The following ATP13A5 variants were observed in gnomAD, a reference collection of about 807,000 sequenced individuals.
ATP13A5 encodes probable cation-transporting ATPase 13A5.
In ATP13A5, 149 loss-of-function variants were observed where a neutral mutation model predicts 150.2. That is an observed-to-expected ratio of 0.99 (90% CI 0.87 to 1.14). ATP13A5 has a LOEUF of 1.14. Ranked by LOEUF, ATP13A5 falls within the 50% of genes most tolerant of loss-of-function variation. The probability of loss-of-function intolerance (pLI) is 0.00; values close to 1 mark genes in which losing one functional copy is unlikely to be tolerated. For synonymous variants in ATP13A5, 497 were observed against 522.2 expected, an observed-to-expected ratio of 0.95 and a Z score of 0.66; for missense variants, 1,383 against 1,449.3, an observed-to-expected ratio of 0.95 and a Z score of 0.74.
intron 12 of ATP13A5, among the ~76,000 whole-genome samples, 180 bp downstream of exon 12, chr3:193,330,943 A>G (rs1401875233): frequency 6.6e-6 from 1 of 152,194 alleles, no homozygotes; most frequent in East Asian, 1.9e-4. Context: ...GCTAACCTTA[A>G]GAGTCAGCAG....
chr3:193,302,887 T>A (rs993034616), intron 23 of ATP13A5, among the ~76,000 whole-genome samples: 1 of 152,168 alleles, frequency 6.6e-6, no homozygotes, highest in African/African-American at 2.4e-5. Context: ...TTTATGAGTC[T>A]ATGAAATATA....
chr3:193,326,509 T>A (rs139237787), intron 13 of ATP13A5, among the ~76,000 whole-genome samples: 2 of 152,334 alleles, frequency 1.3e-5, no homozygotes, highest in East Asian at 1.9e-4. Flanking sequence ...CATGTAATTA[T>A]ATAAAAGTCA....
At chr3:193,318,891 A>T in intron 17 of ATP13A5, 100 bp downstream of exon 17, 1 of 812,082 alleles carries the variant, frequency 1.2e-6, no homozygotes, top group South Asian at 1.5e-5. Context: ...TCTGTCTCTG[A>T]GAGCCTTCCA....
chr3:193,322,093 C>A (rs78808464), intron 15 of ATP13A5, among the ~76,000 whole-genome samples: 3 of 152,134 alleles, frequency 2.0e-5, no homozygotes, highest in African/African-American at 7.2e-5. Context: ...ATCTCCTCTG[C>A]AGTGCTTTTA....
intron 6 of ATP13A5, among the ~76,000 whole-genome samples, chr3:193,353,390 G>A (rs1367125665): frequency 6.6e-6 from 1 of 151,362 alleles, no homozygotes; most frequent in Non-Finnish European, 1.5e-5. Flanking sequence ...CTAACAAAGG[G>A]AGAAGTTACT....
intron 9 of ATP13A5, among the ~76,000 whole-genome samples, chr3:193,336,208 A>G (rs1018872302): frequency 1.3e-5 from 2 of 152,014 alleles, no homozygotes; most frequent in Non-Finnish European, 2.9e-5. Flanking sequence ...TTTCCTAGTG[A>G]TATGTAATAG....
intron 14 of ATP13A5, among the ~76,000 whole-genome samples, chr3:193,324,568 C>T (rs1719403411): frequency 6.6e-6 from 1 of 152,132 alleles, no homozygotes; most frequent in Non-Finnish European, 1.5e-5. Context: ...GTCATATTCC[C>T]TCTTGAATAT....
intron 22 of ATP13A5, chr3:193,306,985 G>T (rs1285106061): frequency 8.2e-6 from 4 of 489,970 alleles, no homozygotes; most frequent in Non-Finnish European, 1.1e-5. Flanking sequence ...TGGGAGGGGG[G>T]AAGAAATCAC....
chr3:193,312,531 A>G (rs887361213), intron 19 of ATP13A5, among the ~76,000 whole-genome samples: 16 of 152,040 alleles, frequency 1.1e-4, no homozygotes, highest in African/African-American at 3.4e-4. Context: ...CCTTCCTTGC[A>G]CCTGTCAAGG....
intron 25 of ATP13A5, among the ~76,000 whole-genome samples, chr3:193,292,695 CG>C (rs1024604493): frequency 3.6e-4 from 54 of 152,092 alleles, no homozygotes; most frequent in African/African-American, 1.3e-3. Flanking sequence ...CATACTAGAG[CG>C]GACTGGCTCA....
intron 9 of ATP13A5, among the ~76,000 whole-genome samples, chr3:193,335,530 G>T (rs1711820789): frequency 6.6e-6 from 1 of 152,098 alleles, no homozygotes; most frequent in African/African-American, 2.4e-5. Context: ...TATTTTAGGT[G>T]CTTATTCTGT....
At chr3:193,304,910 A>G (rs1156812446) in intron 23 of ATP13A5, among the ~76,000 whole-genome samples, 1 of 152,184 alleles carries the variant, frequency 6.6e-6, no homozygotes, top group Non-Finnish European at 1.5e-5. Flanking sequence ...TCACAAGACA[A>G]GAGAGAGGAA....
At chr3:193,356,593 A>G (rs1188355161) in intron 5 of ATP13A5, among the ~76,000 whole-genome samples, 1 of 152,072 alleles carries the variant, frequency 6.6e-6, no homozygotes, top group Non-Finnish European at 1.5e-5. Context: ...AAAAAATGCT[A>G]CCAGTAGCAT....
At chr3:193,365,143 C>T (rs763649270) in intron 1 of ATP13A5, among the ~76,000 whole-genome samples, 1 of 152,058 alleles carries the variant, frequency 6.6e-6, no homozygotes, top group Admixed American at 6.6e-5. Flanking sequence ...CTCTACTATA[C>T]TATTATTTTA....
Position 193,331,172 on chromosome 3 carries a change from G to A in ATP13A5, c.1412C>T (p.Pro471Leu), listed in dbSNP as rs1711613304. 2 of 1,614,022 alleles carry A rather than the reference G, an allele frequency of 1.2e-6. No homozygotes were observed. Among genetic ancestry groups the A allele is most frequent in the Non-Finnish European group, 1.7e-6 (2 of 1,179,946 alleles). Residue 471 changes from proline (P) to leucine (L), a missense_variant, in exon 12 of 30, where the codon CCA becomes CTA. Pro to Leu is a moderately conservative substitution (Grantham distance 98). Coordinates refer to ENST00000342358, the MANE Select transcript of ATP13A5 (RefSeq NM_198505.4). ...LKKKKIFCISPQRINMCGQIN... is the reference protein window; with the variant it reads ...LKKKKIFCISLQRINMCGQIN... The stretch of plus-strand genomic sequence containing the variant: ...TTGCCCACACATGTTGATTCTCTGT[G>A]GGGAGATACAGAAGATTTTCTTTTT...
Position 193,334,909 on chromosome 3 carries a change from C to A in ATP13A5, c.1114+20G>T, listed in dbSNP as rs756051427. 114 of 1,599,402 alleles carry A rather than the reference C, an allele frequency of 7.1e-5. No individual in the cohort carries two copies. The highest frequency in any genetic ancestry group is 9.5e-5 in the Non-Finnish European group (111 of 1,170,016). On this transcript the variant is annotated intron_variant, in intron 10 of 29. Coordinates refer to ENST00000342358, the MANE Select transcript of ATP13A5 (RefSeq NM_198505.4). ...CATGTTCAAGCATGAATTAAACTTA[C>A]AAAAGTGGAATCCACTAACCTGTTT...
chr3:193,331,609 G>T (rs189112899), intron 11 of ATP13A5, among the ~76,000 whole-genome samples: 216 of 152,282 alleles, frequency 1.4e-3, no homozygotes, highest in Admixed American at 3.3e-3. Context: ...TAGATACAGA[G>T]CCTAGCATGG....
intron 6 of ATP13A5, among the ~76,000 whole-genome samples, chr3:193,352,571 T>C (rs890108736): frequency 6.6e-6 from 1 of 152,114 alleles, no homozygotes; most frequent in Non-Finnish European, 1.5e-5. Context: ...TAGAACACAT[T>C]GACCCCTGGA....
Position 193,276,746 on chromosome 3 carries a change from TTACCTC to T in ATP13A5, c.3394_3396+3del, listed in dbSNP as rs1213192026. The T allele has an allele frequency of 5.7e-6, 9 of 1,587,214 alleles. No individual in the cohort carries two copies. The highest frequency in any genetic ancestry group is 2.7e-5 in the African/African-American group (2 of 74,220). On this transcript the variant is annotated splice_donor_variant and splice_donor_region_variant and coding_sequence_variant and intron_variant, in exon 29 of 30. Coordinates refer to ENST00000342358, the MANE Select transcript of ATP13A5 (RefSeq NM_198505.4). LOFTEE classifies it high-confidence loss of function. ...TCCTAGAAAAAATATAGAGATTACT[TTACCTC>T]TACAAAGAAAGCCACACAGAATTGG...
Sources: allele counts gnomAD v4.1 joint callset (sites outside exome capture counted in the v4.1 genomes callset), GRCh38; gene constraint gnomAD v4.1.1; transcripts MANE v1.5; gene names NCBI Gene and HGNC (gene_info 2026-07-23, HGNC 2026-07-21).